KCNMB2: variants seen among roughly 807,000 people sequenced by gnomAD.
KCNMB2 encodes potassium calcium-activated channel subfamily M regulatory beta subunit 2, also known as calcium-activated potassium channel subunit beta-2.
Under a neutral mutation model 24.5 loss-of-function variants are expected in KCNMB2, and 9 were observed. The ratio of observed to expected loss-of-function variants is 0.37; its 90% CI spans 0.22 to 0.64. KCNMB2 has a LOEUF of 0.64. Among genes scored for constraint, KCNMB2 ranks in the 30% least tolerant of loss-of-function variants. The pLI is 0.63. For missense variants in KCNMB2, 226 were observed against 284.3 expected (o/e 0.79, Z 1.47); for synonymous variants, 109 against 104.4 (o/e 1.04, Z -0.27).
chr3:178,577,748 C>T (rs954944197), intron 1 of KCNMB2, among the ~76,000 whole-genome samples: 11 of 151,798 alleles, frequency 7.2e-5, no homozygotes, highest in South Asian at 4.1e-4. Context: ...TATCAATAGC[C>T]GAATCGATTA....
At chr3:178,645,241 G>C (rs1719879417) in intron 1 of KCNMB2, among the ~76,000 whole-genome samples, 1 of 151,676 alleles carries the variant, frequency 6.6e-6, no homozygotes, top group African/African-American at 2.4e-5. Flanking sequence ...GTAGAGACGG[G>C]GTTTCTCCAT....
intron 1 of KCNMB2, among the ~76,000 whole-genome samples, chr3:178,790,391 T>C (rs1713274601): frequency 6.6e-6 from 1 of 152,040 alleles, no homozygotes; most frequent in Non-Finnish European, 1.5e-5. Context: ...GAGGGAAGAC[T>C]AAAGGGCACT....
chr3:178,591,436 A>T (rs1177957067), intron 1 of KCNMB2, among the ~76,000 whole-genome samples: 1 of 152,108 alleles, frequency 6.6e-6, no homozygotes, highest in Non-Finnish European at 1.5e-5. Context: ...TAAACGAGGA[A>T]CTCATGGTTT....
rs1310317706 is a variant in KCNMB2, at chr3:178,621,244, G to A, written c.-68+84533G>A. 2.0e-5 allele frequency among the ~76,000 whole-genome samples: 3 copies of A among 151,996 alleles called. 1 individual carries two copies. Among genetic ancestry groups the A allele is most frequent in the Admixed American group, 1.3e-4 (2 of 15,232 alleles). The stretch of plus-strand genomic sequence containing the variant: ...GAACAGATGGGAAAGTTCCTCTTCT[G>A]CCTCTCCAACCAACCCCCTAATTCC... On this transcript the variant is annotated intron_variant, in intron 1 of 4. Coordinates refer to ENST00000452583, the MANE Select transcript of KCNMB2 (RefSeq NM_181361.3).
intron 1 of KCNMB2, among the ~76,000 whole-genome samples, chr3:178,772,570 T>C (rs961810836): frequency 4.6e-5 from 7 of 152,228 alleles, no homozygotes; most frequent in Non-Finnish European, 1.0e-4. Flanking sequence ...CACGTAGAAC[T>C]GTAAGTCCAA....
intron 1 of KCNMB2, chr3:178,749,044 A>C (rs377539657): frequency 6.6e-6 from 1 of 152,214 alleles, no homozygotes; most frequent in African/African-American, 2.4e-5. Flanking sequence ...AATGCTGTTT[A>C]CCAAGTGACC....
At chr3:178,625,375 C>T (rs910025420) in intron 1 of KCNMB2, among the ~76,000 whole-genome samples, 17 of 152,190 alleles carry the variant, frequency 1.1e-4, no homozygotes, top group African/African-American at 3.6e-4. Context: ...GGGGAGCAGC[C>T]GCTTCTTTTC....
chr3:178,777,967 G>A (rs564253533), intron 1 of KCNMB2, among the ~76,000 whole-genome samples: 11 of 152,156 alleles, frequency 7.2e-5, no homozygotes, highest in African/African-American at 2.4e-4. Context: ...ATGATTCATC[G>A]TGGACAGCTC....
At chr3:178,750,568 G>A (rs192147952) in intron 1 of KCNMB2, among the ~76,000 whole-genome samples, 25 of 152,268 alleles carry the variant, frequency 1.6e-4, no homozygotes, top group African/African-American at 4.8e-4. Flanking sequence ...TGCCCTTGCC[G>A]TCGTCTAATC....
intron 1 of KCNMB2, among the ~76,000 whole-genome samples, chr3:178,698,706 T>A (rs1178128945): frequency 6.6e-6 from 1 of 152,262 alleles, no homozygotes; most frequent in Non-Finnish European, 1.5e-5. Context: ...ATTTTTTAGT[T>A]TTCAGACTTC....
At chr3:178,652,664 CTT>C (rs3052276) in intron 1 of KCNMB2, among the ~76,000 whole-genome samples, 3 of 136,940 alleles carry the variant, frequency 2.2e-5, no homozygotes, top group Admixed American at 7.3e-5. Context: ...TCTCTATATA[CTT>C]TTTTTTTTTT....
At chr3:178,571,214 T>A (rs1216936213) in intron 1 of KCNMB2, among the ~76,000 whole-genome samples, 1 of 150,474 alleles carries the variant, frequency 6.6e-6, no homozygotes, top group African/African-American at 2.4e-5. Flanking sequence ...CTTTTGTGAT[T>A]TTTTTTTTAA....
chr3:178,708,139 T>C lies in KCNMB2; in HGVS notation c.-67-99204T>C, dbSNP rs6788692. Among the ~76,000 whole-genome samples, 1,460 of 152,284 alleles carry C rather than the reference T, an allele frequency of 9.6e-3. 29 individuals are homozygous for C. Among genetic ancestry groups the C allele is most frequent in the African/African-American group, 0.034 (1,397 of 41,574 alleles). Reference sequence around the variant, plus strand: ...TTCAGTGTCTGCCTTAGGAGGATAATACTCTTATTGGGGTTTCTAGGGCTT... The same window carrying C: ...TTCAGTGTCTGCCTTAGGAGGATAACACTCTTATTGGGGTTTCTAGGGCTT... On this transcript the variant is annotated intron_variant, in intron 1 of 4. Coordinates refer to ENST00000452583, the MANE Select transcript of KCNMB2 (RefSeq NM_181361.3).
intron 1 of KCNMB2, among the ~76,000 whole-genome samples, chr3:178,753,194 C>A (rs541367951): frequency 6.6e-6 from 1 of 152,120 alleles, no homozygotes; most frequent in Non-Finnish European, 1.5e-5. Context: ...CTGTAGTAAC[C>A]GTAGTAATGA....
intron 1 of KCNMB2, among the ~76,000 whole-genome samples, chr3:178,758,175 T>C (rs1724256136): frequency 1.2e-5 from 1 of 83,658 alleles, no homozygotes; most frequent in African/African-American, 4.5e-5. Flanking sequence ...GATATATATA[T>C]ATATATCCAA....
At chr3:178,685,904 T>C (rs1034877224) in intron 1 of KCNMB2, among the ~76,000 whole-genome samples, 2 of 152,222 alleles carry the variant, frequency 1.3e-5, no homozygotes, top group African/African-American at 4.8e-5. Context: ...AAGTTGCAAA[T>C]TCTGGTTAGT....
intron 2 of KCNMB2, among the ~76,000 whole-genome samples, chr3:178,814,638 G>A (rs1714333194): frequency 6.6e-6 from 1 of 152,094 alleles, no homozygotes; most frequent in South Asian, 2.1e-4. Flanking sequence ...GCCTCACCAA[G>A]ATTTGTTATT....
chr3:178,565,325 C>A (rs925097254), intron 1 of KCNMB2, among the ~76,000 whole-genome samples: 1 of 152,156 alleles, frequency 6.6e-6, no homozygotes, highest in Admixed American at 6.5e-5. Context: ...CACCAGCAGT[C>A]GAGACTCATC....
At chr3:178,842,359 C>T (rs988194336) in intron 4 of KCNMB2, among the ~76,000 whole-genome samples, 4 of 152,032 alleles carry the variant, frequency 2.6e-5, no homozygotes, top group Non-Finnish European at 4.4e-5. Flanking sequence ...ATTTATTTTA[C>T]GCATGCAACA....
Sources: gnomAD v4.1 joint callset for allele counts (sites outside exome capture counted in the v4.1 genomes callset) on GRCh38, gnomAD v4.1.1 for gene constraint, MANE v1.5 for transcripts, NCBI Gene and HGNC (gene_info 2026-07-23, HGNC 2026-07-21) for gene names.